The following SPG11 variants were observed in gnomAD, a reference collection of about 807,000 sequenced individuals.
The protein encoded by SPG11 is spatacsin.
Under a neutral mutation model 274.0 loss-of-function variants are expected in SPG11, and 222 were observed. The observed-to-expected ratio is 0.81, with a 90% CI of 0.73 to 0.91. The LOEUF (loss-of-function observed/expected upper bound fraction) is 0.91. Among genes scored for constraint, SPG11 ranks in the 40% least tolerant of loss-of-function variants. The pLI is 0.00. For missense variants in SPG11, 3,114 were observed against 2,872.7 expected (o/e 1.08, Z -1.92); for synonymous variants, 1,144 against 1,039.7 (o/e 1.10, Z -1.93).
chr15:44,659,037 TCTC>T (rs766015378), intron 3 of SPG11, 39 bp downstream of exon 3: 3 of 1,585,694 alleles, frequency 1.9e-6, no homozygotes, highest in Non-Finnish European at 2.6e-6. Flanking sequence ...TAGGTGTTCT[TCTC>T]CTCTACGTAT....
At position 44,563,196 on chromosome 15, in the gene SPG11, C is replaced by G. The variant is rs1567123252; in HGVS notation, c.7257G>C (p.Lys2419Asn). Residue 2419 changes from lysine (K) to asparagine (N), a missense_variant, in exon 40 of 40, where the codon AAG becomes AAC. By Grantham distance (94) the Lys-to-Asn change is moderately conservative. Coordinates refer to ENST00000261866, the MANE Select transcript of SPG11 (RefSeq NM_025137.4). ...YLYYKLAYEHKFYEIVNVLLK... is the reference protein window; with the variant it reads ...YLYYKLAYEHNFYEIVNVLLK... ...GAAGCACATTTACAATTTCATAAAA[C>G]TTGTGTTCGTATGCCAACTTGTAAT... 5.6e-6 allele frequency: 9 copies of G among 1,614,162 alleles called. No individual in the cohort carries two copies. Among genetic ancestry groups the G allele is most frequent in the Non-Finnish European group, 7.6e-6 (9 of 1,180,024 alleles).
At position 44,584,430 on chromosome 15, in the gene SPG11, GGAA is replaced by G. The variant is rs1377474299; in HGVS notation, c.5247_5249del (p.Ser1750del). 1 of 1,614,172 alleles carries G rather than the reference GGAA, an allele frequency of 6.2e-7. No individual in the cohort carries two copies. The highest frequency in any genetic ancestry group is 8.5e-7 in the Non-Finnish European group (1 of 1,180,036). On this transcript the variant is annotated inframe_deletion, in exon 30 of 40. Coordinates refer to ENST00000261866, the MANE Select transcript of SPG11 (RefSeq NM_025137.4). ...CCACATGGGCCTGGGTTGAGAAAAA[GGAA>G]GAAGCTGCTTTGCTTGAAATTGAAT...
intron 4 of SPG11, among the ~76,000 whole-genome samples, chr15:44,656,034 G>A (rs538837092): frequency 5.3e-5 from 8 of 152,216 alleles, no homozygotes; most frequent in Middle Eastern, 3.4e-3. Flanking sequence ...AATGGAGAAA[G>A]GCCCCTAAGA....
rs1567123446 is a variant in SPG11 at position 44,563,286 on chromosome 15, C to T, written c.7167G>A (p.Gln2389=). ...GGTTTTCCATGACCATGTCAGTAGG[C>T]TGATGTTGTTTATATCTAGATAAAG... ...EEISKKYKQH[Q]PTDMVMENLK... The change falls in exon 40 of 40, where the codon CAG becomes CAA. Residue 2389 remains glutamine, a synonymous_variant. Transcript: ENST00000261866. 3 of 1,613,416 alleles carry T rather than the reference C, an allele frequency of 1.9e-6. No individual in the cohort carries two copies. Among genetic ancestry groups the T allele is most frequent in the South Asian group, 2.2e-5 (2 of 91,068 alleles).
intron 26 of SPG11, among the ~76,000 whole-genome samples, chr15:44,593,402 C>T (rs1595856507): frequency 6.6e-6 from 1 of 152,044 alleles, no homozygotes; most frequent in Admixed American, 6.6e-5. Flanking sequence ...TGTTGCCAGG[C>T]TGGTCTTGAA....
rs557577658 is a variant in SPG11 at position 44,612,877 on chromosome 15, G to T, written c.3145+553C>A. Among the ~76,000 whole-genome samples the T allele has an allele frequency of 6.8e-4, 104 of 152,214 alleles. No individual in the cohort carries two copies. In the South Asian group the frequency reaches 0.021, roughly 31 times the overall value. On this transcript the variant is annotated intron_variant, in intron 17 of 39. Coordinates refer to ENST00000261866, the MANE Select transcript of SPG11 (RefSeq NM_025137.4). The stretch of plus-strand genomic sequence containing the variant: ...AAGACTACTGACATTCCTTGTCTGT[G>T]GTCATTCAGCCTGTCCCCTTTCCCA...
intron 18 of SPG11, among the ~76,000 whole-genome samples, chr15:44,610,597 C>T (rs959676270): frequency 1.2e-4 from 18 of 151,044 alleles, no homozygotes; most frequent in African/African-American, 4.4e-4. Flanking sequence ...AGGCTGGTCT[C>T]GAACTCCTGA....
At chr15:44,655,187 G>A (rs1274443374) in intron 4 of SPG11, among the ~76,000 whole-genome samples, 1 of 152,142 alleles carries the variant, frequency 6.6e-6, no homozygotes, top group African/African-American at 2.4e-5. Flanking sequence ...CCAGCTACTC[G>A]GGAGGCTGAG....
At chr15:44,587,090 T>C (rs2082782482) in intron 28 of SPG11, among the ~76,000 whole-genome samples, 1 of 152,208 alleles carries the variant, frequency 6.6e-6, no homozygotes. Context: ...CCCAGAACTT[T>C]GGGAGACCAA....
At chr15:44,656,669 G>A (rs2084950283) in intron 4 of SPG11, among the ~76,000 whole-genome samples, 2 of 152,086 alleles carry the variant, frequency 1.3e-5, no homozygotes, top group South Asian at 4.1e-4. Context: ...CTGTGGAGGT[G>A]GAAAGCTAAG....
chr15:44,567,481 CG>C lies in SPG11; in HGVS notation c.6696del (p.Glu2233ArgfsTer11). The C allele has an allele frequency of 6.2e-7, 1 of 1,614,042 alleles. No homozygotes were observed. Among genetic ancestry groups the C allele is most frequent in the Non-Finnish European group, 8.5e-7 (1 of 1,180,004 alleles). ...ATGCGGGCAGCTGCCTCGTGGTTCTCGCCAATCTCCCGGCACATGCTGAAGC... is the reference window on the plus strand; with the variant it reads ...ATGCGGGCAGCTGCCTCGTGGTTCTCCCAATCTCCCGGCACATGCTGAAGC... Reference protein sequence around the residue: ...ALCFSMCREIGENHEAAARIQ... With the variant: ...ALCFSMCREIXENHEAAARIQ... On this transcript the variant is annotated frameshift_variant, in exon 36 of 40. Transcript: ENST00000261866. LOFTEE classifies it high-confidence loss of function.
intron 9 of SPG11, 102 bp from the exon 10 acceptor site, chr15:44,628,946 T>C (rs879614375): frequency 2.5e-6 from 3 of 1,223,376 alleles, no homozygotes; most frequent in African/African-American, 3.0e-5. Flanking sequence ...AAACTTGGTA[T>C]TTTTAAATTT....
chr15:44,567,073 C>G (rs1296364266), intron 36 of SPG11, among the ~76,000 whole-genome samples: 1 of 150,418 alleles, frequency 6.6e-6, no homozygotes, highest in South Asian at 2.2e-4. Context: ...TATCGAGGGC[C>G]GGGCATGGTG....
At chr15:44,628,420 T>C (rs1460512331) in intron 10 of SPG11, among the ~76,000 whole-genome samples, 2 of 152,190 alleles carry the variant, frequency 1.3e-5, no homozygotes, top group Non-Finnish European at 2.9e-5. Flanking sequence ...AGTTGGGTGT[T>C]TGTTACTGAA....
At chr15:44,613,186 G>A (rs2083503186) in intron 17 of SPG11, among the ~76,000 whole-genome samples, 1 of 152,222 alleles carries the variant, frequency 6.6e-6, no homozygotes, top group Non-Finnish European at 1.5e-5. Flanking sequence ...AGAGCACGAT[G>A]CTAAGGGGAA....
At chr15:44,651,346 T>C (rs1160959745) in intron 6 of SPG11, 145 bp downstream of exon 6, 2 of 713,310 alleles carry the variant, frequency 2.8e-6, no homozygotes, top group African/African-American at 3.6e-5. Flanking sequence ...TATGAGACAC[T>C]ATTACCAAGA....
intron 7 of SPG11, among the ~76,000 whole-genome samples, chr15:44,637,453 T>C (rs2084310457): frequency 6.6e-6 from 1 of 152,134 alleles, no homozygotes; most frequent in Non-Finnish European, 1.5e-5. Context: ...GCTGGGACTA[T>C]AGGTGTGAGC....
rs1322340631 is a variant in SPG11 at position 44,565,908 on chromosome 15, G to C, written c.6945C>G (p.Asn2315Lys). The C allele has an allele frequency of 6.2e-7, 1 of 1,613,700 alleles. No individual in the cohort carries two copies. The highest frequency in any genetic ancestry group is 8.5e-7 in the Non-Finnish European group (1 of 1,179,932). Residue 2315 changes from asparagine to lysine, a missense_variant, in exon 38 of 40, where the codon AAC becomes AAG. Physicochemically the swap from Asn to Lys is moderately conservative, Grantham distance 94. Transcript: ENST00000261866. ...LNTGQNTMLINLGRHKLMDCI... is the reference protein window; with the variant it reads ...LNTGQNTMLIKLGRHKLMDCI... Reference sequence around the variant, plus strand: ...AGTCCATCAGCTTGTGGCGGCCCAAGTTGATGAGCATTGTGTTCTGGCCAG... The same window carrying C: ...AGTCCATCAGCTTGTGGCGGCCCAACTTGATGAGCATTGTGTTCTGGCCAG...
intron 6 of SPG11, 142 bp from the exon 7 acceptor site, chr15:44,649,153 G>T: frequency 1.4e-6 from 1 of 716,040 alleles, no homozygotes; most frequent in Non-Finnish European, 2.3e-6. Flanking sequence ...GTACTATAAT[G>T]ATCTTAACTC....
Sources: gnomAD v4.1 joint callset for allele counts (sites outside exome capture counted in the v4.1 genomes callset) on GRCh38, gnomAD v4.1.1 for gene constraint, MANE v1.5 for transcripts, NCBI Gene and HGNC (gene_info 2026-07-23, HGNC 2026-07-21) for gene names.